The following ACVR2B variants were observed in gnomAD, a reference collection of about 807,000 sequenced individuals.
The protein encoded by ACVR2B is activin receptor type-2B.
A neutral mutation model predicts 65.1 loss-of-function variants in ACVR2B; 18 were observed. The observed-to-expected ratio is 0.28, with a 90% confidence interval of 0.19 to 0.41. The LOEUF (loss-of-function observed/expected upper bound fraction) is 0.41. Among genes scored for constraint, ACVR2B ranks in the 10% least tolerant of loss-of-function variants. The probability of loss-of-function intolerance (pLI) is 1.00; values close to 1 mark genes in which losing one functional copy is unlikely to be tolerated. For missense variants in ACVR2B, 482 were observed against 682.7 expected (o/e 0.71, Z 3.28); for synonymous variants, 298 against 277.7 (o/e 1.07, Z -0.73).
At chr3:38,459,555 G>C (rs1225035769) in intron 1 of ACVR2B, 1 of 983,718 alleles carries the variant, frequency 1.0e-6, no homozygotes. Flanking sequence ...GGAGCACTGG[G>C]GTTGTAGCAG....
At chr3:38,478,034 G>C (rs1575587554) in intron 3 of ACVR2B, 64 bp downstream of exon 3, 2 of 1,594,698 alleles carry the variant, frequency 1.3e-6, no homozygotes, top group Admixed American at 1.7e-5. Context: ...GGCTTGGAGC[G>C]CTTGGCTCCT....
chr3:38,460,935 G>A (rs1709635401), intron 1 of ACVR2B, among the ~76,000 whole-genome samples: 1 of 152,246 alleles, frequency 6.6e-6, no homozygotes, highest in Non-Finnish European at 1.5e-5. Context: ...GGAGAATGGA[G>A]GAGGCTGCTT....
rs1472124454 is a variant in ACVR2B, at chr3:38,481,596, C to T, written c.1074+131C>T. The T allele has an allele frequency of 1.3e-6, 1 of 761,888 alleles. No homozygotes were observed. Among genetic ancestry groups the T allele is most frequent in the Non-Finnish European group, 2.3e-6 (1 of 436,136 alleles). 47.2% of individuals were successfully genotyped at this position (761,888 alleles called of 1,614,324 possible). ...TTCAGAGCTGTCTGAGAACTTAGAG[C>T]AATGCTCTTGTTTGACCAGTGGAGA... On this transcript the variant is annotated intron_variant, in intron 8 of 10. Coordinates refer to ENST00000352511, the MANE Select transcript of ACVR2B (RefSeq NM_001106.4). This position sits in a 1 kb window ranked among gnomAD's most constrained non-coding sequence, Gnocchi z 4.7.
chr3:38,483,038 G>A lies in ACVR2B; in HGVS notation c.1345-100G>A, dbSNP rs1281665947. 6.3e-6 allele frequency: 9 copies of A among 1,419,446 alleles called. No homozygotes were observed. In the East Asian group the frequency reaches 1.6e-4, roughly 25 times the overall value. The allele number at this position is 1,419,446 out of a possible 1,614,324, so 87.9% of individuals were successfully genotyped here. ...GCTGTGGTTGGGGCTGGTGGGCTCT[G>A]CCTGATCCTTGGGAATATCAAGTTT... On this transcript the variant is annotated intron_variant, in intron 10 of 10. Transcript: ENST00000352511. The surrounding 1 kb of genome is among the most constrained non-coding windows in gnomAD (Gnocchi z 4.8).
intron 1 of ACVR2B, among the ~76,000 whole-genome samples, chr3:38,469,261 G>C (rs1179368309): frequency 6.6e-6 from 1 of 152,202 alleles, no homozygotes; most frequent in Non-Finnish European, 1.5e-5. Flanking sequence ...ACAAGAAGGA[G>C]CTGGAAACTA....
chr3:38,478,325 T>A, intron 4 of ACVR2B, 33 bp downstream of exon 4: 2 of 1,614,042 alleles, frequency 1.2e-6, no homozygotes, highest in Non-Finnish European at 8.5e-7. Context: ...CAGGGCAGGA[T>A]AGAGGTGGGG....
intron 1 of ACVR2B, among the ~76,000 whole-genome samples, chr3:38,473,111 A>G (rs1426142251): frequency 6.6e-6 from 1 of 152,126 alleles, no homozygotes; most frequent in Admixed American, 6.5e-5. Flanking sequence ...TTTGGGGAGC[A>G]CTGGGTACTT....
intron 1 of ACVR2B, among the ~76,000 whole-genome samples, chr3:38,472,851 C>T (rs558227092): frequency 5.0e-4 from 76 of 152,308 alleles, no homozygotes; most frequent in African/African-American, 1.8e-3. Flanking sequence ...TCCCTTTTCT[C>T]CTCAGGGCAT....
intron 1 of ACVR2B, among the ~76,000 whole-genome samples, chr3:38,458,309 G>A (rs1312592043): frequency 6.6e-6 from 1 of 152,200 alleles, no homozygotes; most frequent in African/African-American, 2.4e-5. Context: ...AGAATCTGAT[G>A]AAAGCTGTGG....
Position 38,472,124 on chromosome 3 carries a change from C to G in ACVR2B, c.53-5163C>G, listed in dbSNP as rs1575584237. The stretch of plus-strand genomic sequence containing the variant: ...TGTCTTTATCTGTTATACACTCCAG[C>G]CTTCCTTCCTGGCCCCATCTGTCTC... On this transcript the variant is annotated intron_variant, in intron 1 of 10. Transcript: ENST00000352511. Among the ~76,000 whole-genome samples the G allele has an allele frequency of 3.9e-5, 6 of 152,320 alleles. No individual in the cohort carries two copies. In the South Asian group the frequency reaches 1.2e-3, roughly 32 times the overall value.
At chr3:38,465,293 G>A (rs974722671) in intron 1 of ACVR2B, among the ~76,000 whole-genome samples, 2 of 151,846 alleles carry the variant, frequency 1.3e-5, no homozygotes, top group Non-Finnish European at 2.9e-5. Flanking sequence ...CAGCTACTTG[G>A]GGGGCTGAGG....
At chr3:38,472,074 G>A (rs1365339360) in intron 1 of ACVR2B, among the ~76,000 whole-genome samples, 1 of 152,196 alleles carries the variant, frequency 6.6e-6, no homozygotes, top group African/African-American at 2.4e-5. Context: ...TCCACAGTGT[G>A]CATACACGTG....
chr3:38,471,138 G>T (rs1477615033), intron 1 of ACVR2B, among the ~76,000 whole-genome samples: 1 of 152,020 alleles, frequency 6.6e-6, no homozygotes, highest in Non-Finnish European at 1.5e-5. Context: ...TTGGCAAAGA[G>T]CATTCATTAC....
chr3:38,470,488 A>T (rs1291537226), intron 1 of ACVR2B, among the ~76,000 whole-genome samples: 1 of 152,254 alleles, frequency 6.6e-6, no homozygotes, highest in Non-Finnish European at 1.5e-5. Context: ...AAGACAAAAC[A>T]TTTTGAGAAA....
chr3:38,482,908 C>T (rs2125726285), intron 10 of ACVR2B, among the ~76,000 whole-genome samples: 1 of 152,260 alleles, frequency 6.6e-6, no homozygotes, highest in Non-Finnish European at 1.5e-5. Context: ...ATGAACCTTT[C>T]CTAGGGCTGT....
intron 1 of ACVR2B, among the ~76,000 whole-genome samples, chr3:38,456,825 C>A (rs899497546): frequency 2.0e-5 from 3 of 152,170 alleles, no homozygotes; most frequent in African/African-American, 7.2e-5. Flanking sequence ...GGTCCCGTCT[C>A]CAAATACCAT....
chr3:38,454,010 C>A lies in ACVR2B; in HGVS notation c.-313C>A, dbSNP rs1426747422. The A allele has an allele frequency of 6.9e-6, 1 of 145,292 alleles. No homozygotes were observed. Among genetic ancestry groups the A allele is most frequent in the Non-Finnish European group, 1.5e-5 (1 of 64,794 alleles). The allele number at this position is 145,292 out of a possible 1,614,324, so 9.0% of individuals were successfully genotyped here. A position where few individuals can be genotyped will look rare whatever the true frequency, so the allele number is the denominator to read the frequency against. ...CGGCCCCTGCGCCCGGGGCCCGGGCCCAGCCCCGCCGCGCTATGCCTGAGT... is the reference window on the plus strand; with the variant it reads ...CGGCCCCTGCGCCCGGGGCCCGGGCACAGCCCCGCCGCGCTATGCCTGAGT... On this transcript the variant is annotated 5_prime_UTR_variant, in exon 1 of 11. Coordinates refer to ENST00000352511, the MANE Select transcript of ACVR2B (RefSeq NM_001106.4).
At position 38,492,779 on chromosome 3, in the gene ACVR2B, CACACACACACACACACACACACACATACA is replaced by C. The variant is rs2059821615; in HGVS notation, c.*9448_*9476del. ...ACACACACACACACACACACACACA[CACACACACACACACACACACACACATACA>C]CCTAAAATGGCCTAAAGCAGACATC... On this transcript the variant is annotated 3_prime_UTR_variant, in exon 11 of 11. Coordinates refer to ENST00000352511, the MANE Select transcript of ACVR2B (RefSeq NM_001106.4). 2 of 48,198 alleles carry C rather than the reference CACACACACACACACACACACACACATACA, an allele frequency of 4.1e-5. No individual in the cohort carries two copies. The highest frequency in any genetic ancestry group is 5.7e-4 in the East Asian group (1 of 1,762). The allele number at this position is 48,198 out of a possible 1,614,324, so 3.0% of individuals were successfully genotyped here. A position where few individuals can be genotyped will look rare whatever the true frequency, so the allele number is the denominator to read the frequency against.
At chr3:38,456,775 C>T (rs1476706638) in intron 1 of ACVR2B, among the ~76,000 whole-genome samples, 1 of 152,136 alleles carries the variant, frequency 6.6e-6, no homozygotes, top group Admixed American at 6.5e-5. Context: ...CCTGATGGCC[C>T]CACCCTCATG....
Sources: gnomAD v4.1 joint callset for allele counts (sites outside exome capture counted in the v4.1 genomes callset) on GRCh38, gnomAD v4.1.1 for gene constraint, Gnocchi (gnomAD v3.1) non-coding constraint, MANE v1.5 for transcripts, NCBI Gene and HGNC (gene_info 2026-07-23, HGNC 2026-07-21) for gene names.